The following AP2M1 variants were observed in gnomAD, a reference collection of about 807,000 sequenced individuals.
AP2M1 encodes AP-2 complex subunit mu.
A neutral mutation model predicts 54.5 loss-of-function variants in AP2M1; 5 were observed. The ratio of observed to expected loss-of-function variants is 0.09; its 90% confidence interval spans 0.05 to 0.19. The LOEUF (loss-of-function observed/expected upper bound fraction) is 0.19. AP2M1 is among the 10% of genes least tolerant of loss of function. The probability of loss-of-function intolerance (pLI) is 1.00; values close to 1 mark genes in which losing one functional copy is unlikely to be tolerated. For missense variants in AP2M1, 178 were observed against 580.2 expected, an observed-to-expected ratio of 0.31 and a Z score of 7.12; for synonymous variants, 186 against 208.2, an observed-to-expected ratio of 0.89 and a Z score of 0.92.
chr3:184,176,148 G>A (rs1715066411), intron 1 of AP2M1, among the ~76,000 whole-genome samples: 2 of 152,256 alleles, frequency 1.3e-5, no homozygotes, highest in South Asian at 4.2e-4. Flanking sequence ...GATTTCAGAT[G>A]GAAGGATTTC....
In AP2M1 at chr3:184,183,688, C is replaced by T; in HGVS notation, c.*72C>T. On this transcript the variant is annotated 3_prime_UTR_variant, in exon 12 of 12. Coordinates refer to ENST00000292807, the MANE Select transcript of AP2M1 (RefSeq NM_004068.4). This position sits in a 1 kb window ranked among gnomAD's most constrained non-coding sequence, Gnocchi z 5.7. ...GGTCCAGGTGCCGCTCCCTCCCCCA[C>T]CACACATCAGTGTCTCCTCCCTCCT... 1 of 1,530,722 alleles carries T rather than the reference C, an allele frequency of 6.5e-7. No individual in the cohort carries two copies. Among genetic ancestry groups the T allele is most frequent in the Non-Finnish European group, 8.9e-7 (1 of 1,119,008 alleles). 94.8% of individuals were successfully genotyped at this position (1,530,722 alleles called of 1,614,324 possible).
chr3:184,180,928 G>A lies in AP2M1; in HGVS notation c.509G>A (p.Arg170Gln). ...CGGCGAGAGGGTATCAAGTATCGTC[G>A]GAATGAGCTCTTCCTGGATGTGCTG... ...GWRREGIKYRRNELFLDVLES... is the reference protein window; with the variant it reads ...GWRREGIKYRQNELFLDVLES... The change falls in exon 6 of 12, where the codon CGG becomes CAG. Residue 170 changes from arginine (R) to glutamine (Q), a missense_variant. Arg to Gln is a conservative substitution (Grantham distance 43, BLOSUM62 1). This residue lies in a region of AP2M1 where 115 missense variants were observed against 331.2 expected (regional missense o/e 0.35). Transcript: ENST00000292807. The surrounding 1 kb of genome is among the most constrained non-coding windows in gnomAD (Gnocchi z 4.9). The A allele has an allele frequency of 6.2e-7, 1 of 1,614,152 alleles. No individual in the cohort carries two copies.
At position 184,180,044 on chromosome 3, in the gene AP2M1, GA is replaced by G. The variant is rs1180008328; in HGVS notation, c.341-123del. The stretch of plus-strand genomic sequence containing the variant: ...TCACAGAATAAATGCTACAAAGCTA[GA>G]AGACTTTCTTGCGGATGATCCCACA... On this transcript the variant is annotated intron_variant, in intron 3 of 11. Coordinates refer to ENST00000292807, the MANE Select transcript of AP2M1 (RefSeq NM_004068.4). This position sits in a 1 kb window ranked among gnomAD's most constrained non-coding sequence, Gnocchi z 4.9. 1 of 779,516 alleles carries G rather than the reference GA, an allele frequency of 1.3e-6. No homozygotes were observed. The highest frequency in any genetic ancestry group is 1.7e-5 in the African/African-American group (1 of 57,148). 48.3% of individuals were successfully genotyped at this position (779,516 alleles called of 1,614,324 possible).
chr3:184,175,357 C>T (rs1156594348), intron 1 of AP2M1, among the ~76,000 whole-genome samples: 6 of 152,178 alleles, frequency 3.9e-5, no homozygotes, highest in African/African-American at 1.4e-4. Flanking sequence ...GGTCTCACGC[C>T]ATGCGGCACC....
At position 184,178,841 on chromosome 3, in the gene AP2M1, C is replaced by G; in HGVS notation, c.75-16C>G. The stretch of plus-strand genomic sequence containing the variant: ...ACCTGGGTGCTGAGCAGGCCCTATG[C>G]ACTCTTTTCCCTCAGGAGGAACGCA... On this transcript the variant is annotated splice_polypyrimidine_tract_variant and intron_variant, in intron 2 of 11. Transcript: ENST00000292807. This position sits in a 1 kb window ranked among gnomAD's most constrained non-coding sequence, Gnocchi z 4.9. 1 of 1,612,652 alleles carries G rather than the reference C, an allele frequency of 6.2e-7. No homozygotes were observed. The highest frequency in any genetic ancestry group is 8.5e-7 in the Non-Finnish European group (1 of 1,179,276).
Position 184,178,119 on chromosome 3 carries a change from CT to C in AP2M1, c.75-737del. 7.1e-7 allele frequency: 1 copy of C among 1,406,266 alleles called. No individual in the cohort carries two copies. Among genetic ancestry groups the C allele is most frequent in the Non-Finnish European group, 9.7e-7 (1 of 1,028,578 alleles). The allele number at this position is 1,406,266 out of a possible 1,614,324, so 87.1% of individuals were successfully genotyped here. On this transcript the variant is annotated intron_variant, in intron 2 of 11. Coordinates refer to ENST00000292807, the MANE Select transcript of AP2M1 (RefSeq NM_004068.4). The surrounding 1 kb of genome is among the most constrained non-coding windows in gnomAD (Gnocchi z 4.9). ...CTTCTGCCTCACGGTGTGTGCCGCC[CT>C]CCCGGTGTGTTGTGTGTCTAACCCT...
Position 184,183,770 on chromosome 3 carries a change from C to T in AP2M1, c.*154C>T. The T allele has an allele frequency of 5.6e-6, 5 of 894,236 alleles. No individual in the cohort carries two copies. The highest frequency in any genetic ancestry group is 8.3e-6 in the Non-Finnish European group (5 of 602,912). 55.4% of individuals were successfully genotyped at this position (894,236 alleles called of 1,614,324 possible). Reference sequence around the variant, plus strand: ...GTCTAGGTCTGGGCCAAGCACATTACAAGTGGGACCGGTGGAGCAGCCCCT... The same window carrying T: ...GTCTAGGTCTGGGCCAAGCACATTATAAGTGGGACCGGTGGAGCAGCCCCT... On this transcript the variant is annotated 3_prime_UTR_variant, in exon 12 of 12. Transcript: ENST00000292807. The surrounding 1 kb of genome is among the most constrained non-coding windows in gnomAD (Gnocchi z 5.7).
chr3:184,175,121 G>A (rs1715019662), intron 1 of AP2M1, 162 bp downstream of exon 1: 1 of 395,858 alleles, frequency 2.5e-6, no homozygotes, highest in Non-Finnish European at 4.5e-6. Context: ...GTGGGGCGGG[G>A]GCGCCCGGGG....
In AP2M1 at chr3:184,182,744, C is replaced by T; in HGVS notation, c.1062-13C>T. On this transcript the variant is annotated splice_polypyrimidine_tract_variant and intron_variant, in intron 10 of 11. Coordinates refer to ENST00000292807, the MANE Select transcript of AP2M1 (RefSeq NM_004068.4). This position sits in a 1 kb window ranked among gnomAD's most constrained non-coding sequence, Gnocchi z 5.5. ...AAGCCCCAATGGGCTGCCCATTGTCCCTGTGTTCCCAGGATCAAGCGCATG... is the reference window on the plus strand; with the variant it reads ...AAGCCCCAATGGGCTGCCCATTGTCTCTGTGTTCCCAGGATCAAGCGCATG... The T allele has an allele frequency of 6.2e-7, 1 of 1,611,682 alleles. No individual in the cohort carries two copies. The highest frequency in any genetic ancestry group is 1.1e-5 in the South Asian group (1 of 91,038).
chr3:184,180,632 C>G lies in AP2M1; in HGVS notation c.424-13C>G. ...GCTTCATGTGGGCACCTCGTTGGCC[C>G]TGCGGCCTCCAGCATCAGGTAAGCT... On this transcript the variant is annotated splice_polypyrimidine_tract_variant and intron_variant, in intron 4 of 11. Coordinates refer to ENST00000292807, the MANE Select transcript of AP2M1 (RefSeq NM_004068.4). This position sits in a 1 kb window ranked among gnomAD's most constrained non-coding sequence, Gnocchi z 4.9. The G allele has an allele frequency of 6.2e-7, 1 of 1,614,072 alleles. No individual in the cohort carries two copies. The highest frequency in any genetic ancestry group is 2.2e-5 in the East Asian group (1 of 44,886).
At chr3:184,177,975 G>T in intron 2 of AP2M1, 1 of 621,808 alleles carries the variant, frequency 1.6e-6, no homozygotes, top group African/African-American at 1.8e-5. Flanking sequence ...CTGCAGCTGT[G>T]GCAAGGCCTG....
Position 184,181,171 on chromosome 3 carries a change from G to A in AP2M1, c.652G>A (p.Asp218Asn). 6.2e-7 allele frequency: 1 copy of A among 1,614,182 alleles called. No individual in the cohort carries two copies. The highest frequency in any genetic ancestry group is 8.5e-7 in the Non-Finnish European group (1 of 1,180,046). The change falls in exon 7 of 12, where the codon GAC becomes AAC. Residue 218 changes from aspartate to asparagine, a missense_variant. Asp to Asn is a conservative substitution (Grantham distance 23). Around this residue, in one of 5 missense-constraint regions of AP2M1, gnomAD observed 115 missense variants for 331.2 expected, o/e 0.35. Transcript: ENST00000292807. The surrounding 1 kb of genome is among the most constrained non-coding windows in gnomAD (Gnocchi z 5.7). ...GCCTGAATGCAAGTTTGGGATGAAT[G>A]ACAAGATTGTTATTGAAAAGCAGGG... ...GMPECKFGMN[D>N]KIVIEKQGKG...
rs1715218725 is a variant in AP2M1, at chr3:184,179,996, AT to A, written c.341-171del. ...TATTTGAAAAAAATCAAACATTTGA[AT>A]TGTTTTCCTGTAAAGCACAAATCAC... On this transcript the variant is annotated intron_variant, in intron 3 of 11. Transcript: ENST00000292807. 65 of 650,332 alleles carry A rather than the reference AT, an allele frequency of 1.0e-4. No individual in the cohort carries two copies. The East Asian group carries it at 1.8e-3, about 18-fold the overall frequency. 40.3% of individuals were successfully genotyped at this position (650,332 alleles called of 1,614,324 possible).
rs843365 is a variant in AP2M1, at chr3:184,182,941, T to C, written c.1173+73T>C. ...CCTCTTAGAGATCATTCCGATAAAC[T>C]GCTGCACCTTAGAGGTGAGGAAACT... On this transcript the variant is annotated intron_variant, in intron 11 of 11. Transcript: ENST00000292807. The surrounding 1 kb of genome is among the most constrained non-coding windows in gnomAD (Gnocchi z 5.5). The C allele has an allele frequency of 0.52, 658,403 of 1,272,120 alleles. 172,908 individuals are homozygous for C. Among genetic ancestry groups the C allele is most frequent in the East Asian group, 0.64 (26,752 of 41,864 alleles). The allele number at this position is 1,272,120 out of a possible 1,614,324, so 78.8% of individuals were successfully genotyped here.
At chr3:184,176,140 T>C (rs1452989829) in intron 1 of AP2M1, among the ~76,000 whole-genome samples, 1 of 152,190 alleles carries the variant, frequency 6.6e-6, no homozygotes, top group Non-Finnish European at 1.5e-5. Flanking sequence ...GGAATCACGA[T>C]TTCAGATGGA....
Position 184,181,644 on chromosome 3 carries a change from G to A in AP2M1, c.708-52G>A. 1 of 1,602,880 alleles carries A rather than the reference G, an allele frequency of 6.2e-7. No individual in the cohort carries two copies. The highest frequency in any genetic ancestry group is 8.5e-7 in the Non-Finnish European group (1 of 1,173,540). On this transcript the variant is annotated intron_variant, in intron 7 of 11. Coordinates refer to ENST00000292807, the MANE Select transcript of AP2M1 (RefSeq NM_004068.4). The surrounding 1 kb of genome is among the most constrained non-coding windows in gnomAD (Gnocchi z 5.7). Reference sequence around the variant, plus strand: ...CTGGGGTGGAGTGGTCTCCCAGCATGACAGCTGTCATTCTCCTGTACCAAT... The same window carrying A: ...CTGGGGTGGAGTGGTCTCCCAGCATAACAGCTGTCATTCTCCTGTACCAAT...
rs1343191302 is a variant in AP2M1 at position 184,181,205 on chromosome 3, C to G, written c.686C>G (p.Thr229Arg). 6.2e-7 allele frequency: 1 copy of G among 1,613,940 alleles called. No individual in the cohort carries two copies. The highest frequency in any genetic ancestry group is 8.5e-7 in the Non-Finnish European group (1 of 1,180,032). Residue 229 changes from threonine (T) to arginine (R), a missense_variant, in exon 7 of 12, where the codon ACA becomes AGA. Physicochemically the swap from Thr to Arg is moderately conservative, Grantham distance 71. Around this residue, in one of 5 missense-constraint regions of AP2M1, gnomAD observed 115 missense variants for 331.2 expected, o/e 0.35. Coordinates refer to ENST00000292807, the MANE Select transcript of AP2M1 (RefSeq NM_004068.4). The surrounding 1 kb of genome is among the most constrained non-coding windows in gnomAD (Gnocchi z 5.7). ...GTTATTGAAAAGCAGGGCAAAGGCA[C>G]AGCTGATGAAACAAGCAAGAGGTGC... ...KIVIEKQGKGTADETSKSGKQ... is the reference protein window; with the variant it reads ...KIVIEKQGKGRADETSKSGKQ...
chr3:184,179,705 A>G (rs1021623433), intron 3 of AP2M1, among the ~76,000 whole-genome samples: 4 of 136,300 alleles, frequency 2.9e-5, no homozygotes, highest in Non-Finnish European at 6.1e-5. Flanking sequence ...CTTGTCACCT[A>G]TGCTGAGTGC....
Position 184,182,326 on chromosome 3 carries a change from G to A in AP2M1, c.1061+78G>A. On this transcript the variant is annotated intron_variant, in intron 10 of 11. Transcript: ENST00000292807. The surrounding 1 kb of genome is among the most constrained non-coding windows in gnomAD (Gnocchi z 5.5). ...TCTTGTTTTCAGCTTTGATCCTTCT[G>A]AATGAGGGGCAGGGGAGTGTGCCTG... The A allele has an allele frequency of 6.8e-7, 1 of 1,471,782 alleles. No individual in the cohort carries two copies. The highest frequency in any genetic ancestry group is 2.4e-5 in the East Asian group (1 of 41,632). 91.2% of individuals were successfully genotyped at this position (1,471,782 alleles called of 1,614,324 possible).
Sources: gnomAD v4.1 joint callset for allele counts (sites outside exome capture counted in the v4.1 genomes callset) on GRCh38, gnomAD v4.1.1 for gene constraint, gnomAD v4.1.1 regional missense constraint, Gnocchi (gnomAD v3.1) non-coding constraint, MANE v1.5 for transcripts, NCBI Gene and HGNC (gene_info 2026-07-23, HGNC 2026-07-21) for gene names.